The following UBA1 variants were observed in gnomAD, a reference collection of about 807,000 sequenced individuals.
The protein encoded by UBA1 is ubiquitin like modifier activating enzyme 1, also known as ubiquitin-like modifier-activating enzyme 1.
A neutral mutation model predicts 84.7 loss-of-function variants in UBA1; 4 were observed. That is an observed-to-expected ratio of 0.05 (90% CI 0.02 to 0.11). UBA1 has a LOEUF of 0.11. UBA1 is among the 10% of genes least tolerant of loss of function. The pLI is 1.00. For synonymous variants in UBA1, 364 were observed against 362.6 expected, an observed-to-expected ratio of 1.00 and a Z score of -0.04; for missense variants, 513 against 902.8, an observed-to-expected ratio of 0.57 and a Z score of 5.53.
intron 3 of UBA1, 43 bp from the exon 4 acceptor site, chrX:47,199,166 G>A (rs782484497): frequency 1.6e-6 from 2 of 1,212,158 alleles, no homozygotes; most frequent in Non-Finnish European, 1.1e-6. Flanking sequence ...GGATAAGGTT[G>A]GGTGGGGCAG....
chrX:47,211,297 C>A, intron 20 of UBA1, 72 bp downstream of exon 20: 1 of 1,088,516 alleles, frequency 9.2e-7, no homozygotes, highest in Non-Finnish European at 1.3e-6. Flanking sequence ...CCCCACCAGT[C>A]CTCTACCCCT....
rs1556788763 is a variant in UBA1, at chrX:47,202,688, C to T, written c.1107C>T (p.Ala369=). The change falls in exon 11 of 26, where the codon GCC becomes GCT. Residue 369 remains alanine (A), a synonymous_variant. Coordinates refer to ENST00000335972, the MANE Select transcript of UBA1 (RefSeq NM_003334.4). The part of the protein sequence containing the change: ...VALAQAVNAR[A]LPAVQQNNLD... ...TAGCACAGGCTGTGAATGCTCGAGC[C>T]CTGCCAGCAGTGCAGCAAAATAACC... 1.7e-6 allele frequency: 2 copies of T among 1,212,101 alleles called. No individual in the cohort carries two copies. Among genetic ancestry groups the T allele is most frequent in the East Asian group, 3.0e-5 (1 of 33,852 alleles).
At position 47,210,922 on chromosome X, in the gene UBA1, T is replaced by C; in HGVS notation, c.2274+6T>C. Reference sequence around the variant, plus strand: ...TCACCTTTGATGTCAACAATGTAAGTCTCCTTTCTAGGGTCTTCTGGGGTC... The same window carrying C: ...TCACCTTTGATGTCAACAATGTAAGCCTCCTTTCTAGGGTCTTCTGGGGTC... On this transcript the variant is annotated splice_donor_region_variant and intron_variant, in intron 19 of 25. Coordinates refer to ENST00000335972, the MANE Select transcript of UBA1 (RefSeq NM_003334.4). The C allele has an allele frequency of 8.3e-7, 1 of 1,210,940 alleles. No individual in the cohort carries two copies. Among genetic ancestry groups the C allele is most frequent in the Non-Finnish European group, 1.1e-6 (1 of 895,073 alleles).
At chrX:47,197,141 CAG>C (rs1388697860) in intron 1 of UBA1, 13 of 753,757 alleles carry the variant, frequency 1.7e-5, no homozygotes, top group South Asian at 1.4e-4. Context: ...CTGGCTATCT[CAG>C]GGGCTCCAGC....
chrX:47,197,055 T>C (rs1936228041), intron 1 of UBA1: 2 of 715,388 alleles, frequency 2.8e-6, no homozygotes, highest in Admixed American at 8.7e-5. Flanking sequence ...ATGGAAAATA[T>C]GGTTCACCTT....
At chrX:47,200,842 C>A (rs1936382692) in intron 5 of UBA1, 52 bp from the exon 6 acceptor site, 2 of 1,030,234 alleles carry the variant, frequency 1.9e-6, no homozygotes, top group African/African-American at 3.8e-5. Flanking sequence ...ACCAGCCCTC[C>A]ATTTTTTCCC....
In UBA1 at chrX:47,194,682, G is replaced by A. The variant is rs1219037905; in HGVS notation, c.-1+658G>A. ...ACGTCAGGTCTCCTAACCCCACCCT[G>A]GCCCTAGCATCTTCCATCAGAGACT... On this transcript the variant is annotated intron_variant, in intron 1 of 25. Coordinates refer to ENST00000335972, the MANE Select transcript of UBA1 (RefSeq NM_003334.4). Among the ~76,000 whole-genome samples, 3 of 111,387 alleles carry A rather than the reference G, an allele frequency of 2.7e-5. No individual in the cohort carries two copies. The Admixed American group carries it at 2.8e-4, about 10-fold the overall frequency.
chrX:47,213,300 T>A, intron 23 of UBA1, 119 bp downstream of exon 23: 2 of 751,144 alleles, frequency 2.7e-6, no homozygotes, highest in Non-Finnish European at 3.8e-6. Flanking sequence ...ACCCTTTTTG[T>A]GTATCCTTTT....
Position 47,206,396 on chromosome X carries a change from C to T in UBA1, c.1890C>T (p.Pro630=). 1 of 1,212,264 alleles carries T rather than the reference C, an allele frequency of 8.2e-7. No homozygotes were observed. The highest frequency in any genetic ancestry group is 1.1e-6 in the Non-Finnish European group (1 of 895,607). Residue 630 remains proline (P), a synonymous_variant, in exon 16 of 26, where the codon CCC becomes CCT. Coordinates refer to ENST00000335972, the MANE Select transcript of UBA1 (RefSeq NM_003334.4). ...SSQDPPEKSI[P]ICTLKNFPNA... is the part of the protein sequence containing the mutation. The stretch of plus-strand genomic sequence containing the variant: ...AGGACCCACCTGAGAAGTCCATCCC[C>T]ATCTGTACCCTGAAGAACTTCCCTA...
intron 13 of UBA1, 115 bp from the exon 14 acceptor site, chrX:47,203,426 G>A: frequency 3.1e-6 from 3 of 958,974 alleles, no homozygotes; most frequent in Non-Finnish European, 4.5e-6. Context: ...GCAACCTGAA[G>A]ATGTGGTGTT....
chrX:47,214,465 G>A (rs1556794611), intron 24 of UBA1, 37 bp downstream of exon 24: 1 of 1,200,501 alleles, frequency 8.3e-7, no homozygotes, highest in Admixed American at 2.2e-5. Flanking sequence ...CCCACCTCAG[G>A]GGGCGAGGTG....
At position 47,210,075 on chromosome X, in the gene UBA1, G is replaced by A; in HGVS notation, c.2151G>A (p.Gln717=). Reference sequence around the variant, plus strand: ...GGGCCTGCCACCACTGGCACACCCAGTACTCGAACAACATCCGGCAGCTGC... The same window carrying A: ...GGGCCTGCCACCACTGGCACACCCAATACTCGAACAACATCCGGCAGCTGC... The part of the protein sequence containing the change: ...VTWACHHWHT[Q]YSNNIRQLLH... The change falls in exon 18 of 26, where the codon CAG becomes CAA. Residue 717 remains glutamine, a synonymous_variant. Coordinates refer to ENST00000335972, the MANE Select transcript of UBA1 (RefSeq NM_003334.4). The A allele has an allele frequency of 8.3e-7, 1 of 1,212,029 alleles. No homozygotes were observed. The highest frequency in any genetic ancestry group is 1.1e-6 in the Non-Finnish European group (1 of 895,583).
In UBA1 at chrX:47,198,934, C is replaced by T. The variant is rs782784799; in HGVS notation, c.117+15C>T. On this transcript the variant is annotated intron_variant, in intron 2 of 25. Coordinates refer to ENST00000335972, the MANE Select transcript of UBA1 (RefSeq NM_003334.4). ...TGCCAACCAACGTGAGTGTCCTCTCCGTGGAGACTGGCAGACGAGGTGGTG... is the reference window on the plus strand; with the variant it reads ...TGCCAACCAACGTGAGTGTCCTCTCTGTGGAGACTGGCAGACGAGGTGGTG... The T allele has an allele frequency of 9.6e-5, 116 of 1,206,126 alleles. No individual in the cohort carries two copies. The highest frequency in any genetic ancestry group is 1.3e-4 in the Non-Finnish European group (114 of 891,101).
Position 47,199,242 on chromosome X carries a change from C to T in UBA1, c.210C>T (p.Leu70=), listed in dbSNP as rs191969626. 29 of 1,210,868 alleles carry T rather than the reference C, an allele frequency of 2.4e-5. No homozygotes were observed. The highest frequency in any genetic ancestry group is 1.3e-4 in the Admixed American group (6 of 45,979). The change falls in exon 4 of 26, where the codon CTC becomes CTT. Residue 70 remains leucine (L), a synonymous_variant. Coordinates refer to ENST00000335972, the MANE Select transcript of UBA1 (RefSeq NM_003334.4). ...TGGGCCATGAGGCAATGAAGCGGCT[C>T]CAGACATCCAGTGTCCTGGTATCAG... is the stretch of plus-strand genomic sequence containing the variant. ...YVLGHEAMKR[L]QTSSVLVSGL...
rs1471959750 is a variant in UBA1 at position 47,198,236 on chromosome X, G to C, written c.1-567G>C. 4.1e-6 allele frequency: 4 copies of C among 981,983 alleles called. No homozygotes were observed. In the Admixed American group the frequency reaches 1.2e-4, roughly 30 times the overall value. The allele number at this position is 981,983 out of a possible 1,213,427, so 80.9% of individuals were successfully genotyped here. A position where few individuals can be genotyped will look rare whatever the true frequency, so the allele number is the denominator to read the frequency against. On this transcript the variant is annotated intron_variant, in intron 1 of 25. Transcript: ENST00000335972. ...GCCTCACTTCCCTCCTGCACTCCCC[G>C]CTCCCGCCGCCATCCCTGGGATTAA...
intron 1 of UBA1, 86 bp from the exon 2 acceptor site, chrX:47,198,717 C>T: frequency 1.1e-6 from 1 of 933,154 alleles, no homozygotes; most frequent in Non-Finnish European, 1.5e-6. Flanking sequence ...ATACTTAAGT[C>T]TTCCCTTCCC....
At chrX:47,197,678 A>C in intron 1 of UBA1, 7 of 721,030 alleles carry the variant, frequency 9.7e-6, no homozygotes, top group South Asian at 7.1e-5. Context: ...GTTACTTCTC[A>C]TTTGTCCGGC....
intron 20 of UBA1, among the ~76,000 whole-genome samples, chrX:47,212,083 C>T (rs1338543625): frequency 9.6e-6 from 1 of 104,059 alleles, no homozygotes; most frequent in African/African-American, 3.5e-5. Context: ...TCCCTGTATC[C>T]TCTGTGTTCC....
intron 13 of UBA1, 49 bp downstream of exon 13, chrX:47,203,263 A>G: frequency 1.7e-6 from 2 of 1,173,625 alleles, no homozygotes; most frequent in Non-Finnish European, 2.3e-6. Context: ...GCCTCTGGCC[A>G]TCACCCCTGG....
Sources: allele counts gnomAD v4.1 joint callset (sites outside exome capture counted in the v4.1 genomes callset), GRCh38; gene constraint gnomAD v4.1.1; transcripts MANE v1.5; gene names NCBI Gene and HGNC (gene_info 2026-07-23, HGNC 2026-07-21).